CACNA1C: variants seen among roughly 807,000 people sequenced by gnomAD.
CACNA1C encodes calcium voltage-gated channel subunit alpha1 C.
In CACNA1C, 30 loss-of-function variants were observed where a neutral mutation model predicts 229.0. That is an observed-to-expected ratio of 0.13 (90% confidence interval 0.10 to 0.18). The LOEUF (loss-of-function observed/expected upper bound fraction) is 0.18. CACNA1C is among the 10% of genes least tolerant of loss of function. The probability of loss-of-function intolerance (pLI) is 1.00; values close to 1 mark genes in which losing one functional copy is unlikely to be tolerated. For synonymous variants in CACNA1C, 1,114 were observed against 1,132.5 expected (o/e 0.98, Z 0.33); for missense variants, 1,658 against 2,845.0 (o/e 0.58, Z 9.49).
rs191953785 is a variant in CACNA1C, at chr12:2,315,931, C to T, written c.478-133045C>T. ...TCACTGAAGCTTGGGAACATGTTCT[C>T]ATCGGGCAAGAGAACAACAACAGAA... On this transcript the variant is annotated intron_variant, in intron 3 of 46. Coordinates refer to ENST00000399655, the MANE Select transcript of CACNA1C (RefSeq NM_000719.7). Among the ~76,000 whole-genome samples the T allele has an allele frequency of 3.9e-3, 593 of 152,306 alleles. 5 individuals are homozygous for T. Among genetic ancestry groups the T allele is most frequent in the Non-Finnish European group, 6.1e-3 (415 of 68,018 alleles).
At chr12:2,600,717 C>G (rs2071597149) in intron 21 of CACNA1C, among the ~76,000 whole-genome samples, 1 of 152,228 alleles carries the variant, frequency 6.6e-6, no homozygotes, top group Admixed American at 6.5e-5. Context: ...TCATCGTCAT[C>G]TTGTGTGTTC....
intron 30 of CACNA1C, 129 bp from the exon 31 acceptor site, chr12:2,648,346 G>A (rs897090204): frequency 2.2e-5 from 19 of 863,524 alleles, no homozygotes; most frequent in Admixed American, 3.7e-5. Context: ...ACGCTTTCAC[G>A]TTTCTTTCAC....
chr12:2,206,347 G>C (rs1275742826), intron 3 of CACNA1C, among the ~76,000 whole-genome samples: 1 of 152,210 alleles, frequency 6.6e-6, no homozygotes, highest in Non-Finnish European at 1.5e-5. Flanking sequence ...TGGGAGAATG[G>C]CAGAGCATGG....
chr12:2,231,086 T>G (rs2064978644), intron 3 of CACNA1C, among the ~76,000 whole-genome samples: 3 of 152,228 alleles, frequency 2.0e-5, no homozygotes. Context: ...CTTAAGCCCC[T>G]TTCTTCCCAT....
Position 2,549,227 on chromosome 12 carries a change from G to T in CACNA1C, c.1391-716G>T, listed in dbSNP as rs186271072. ...AGCCTGTTGACATGGGAATGTCAGG[G>T]TGGCTGAAAGGGGAAATCGTATCCC... is the stretch of plus-strand genomic sequence containing the variant. On this transcript the variant is annotated intron_variant, in intron 9 of 46. Transcript: ENST00000399655. Among the ~76,000 whole-genome samples, 6 of 152,318 alleles carry T rather than the reference G, an allele frequency of 3.9e-5. No homozygotes were observed. The East Asian group carries it at 9.7e-4, about 25-fold the overall frequency.
At chr12:2,341,598 G>A (rs1193844773) in intron 3 of CACNA1C, among the ~76,000 whole-genome samples, 2 of 152,176 alleles carry the variant, frequency 1.3e-5, no homozygotes, top group African/African-American at 4.8e-5. Flanking sequence ...TTATCCACAT[G>A]CCTTAGCAGA....
chr12:2,588,043 A>C (rs1255375059), intron 18 of CACNA1C, among the ~76,000 whole-genome samples: 1 of 152,144 alleles, frequency 6.6e-6, no homozygotes, highest in Admixed American at 6.5e-5. Flanking sequence ...TGTGCTTCCC[A>C]GCTCTTCCTG....
At chr12:2,541,928 C>T (rs1416924457) in intron 9 of CACNA1C, among the ~76,000 whole-genome samples, 2 of 152,182 alleles carry the variant, frequency 1.3e-5, no homozygotes, top group East Asian at 1.9e-4. Context: ...TCAGTCATGA[C>T]GCATAAAAAG....
In CACNA1C at chr12:2,585,946, G is replaced by A. The variant is rs1027238902; in HGVS notation, c.2530+42G>A. 14 of 1,308,152 alleles carry A rather than the reference G, an allele frequency of 1.1e-5. No individual in the cohort carries two copies. The highest frequency in any genetic ancestry group is 7.4e-5 in the African/African-American group (5 of 67,270). 81.0% of individuals were successfully genotyped at this position (1,308,152 alleles called of 1,614,324 possible). ...CTAACCTGGGATTGGGAGATTGGGG[G>A]CAGAGATCTAAATTCTAAAGCCACG... On this transcript the variant is annotated intron_variant, in intron 18 of 46. Coordinates refer to ENST00000399655, the MANE Select transcript of CACNA1C (RefSeq NM_000719.7). The surrounding 1 kb of genome is among the most constrained non-coding windows in gnomAD (Gnocchi z 4.1).
chr12:2,537,508 C>G (rs2099858617), intron 9 of CACNA1C, among the ~76,000 whole-genome samples: 2 of 152,204 alleles, frequency 1.3e-5, no homozygotes, highest in Non-Finnish European at 2.9e-5. Context: ...ATTGCACACT[C>G]TGGGAGACAA....
intron 3 of CACNA1C, among the ~76,000 whole-genome samples, chr12:2,192,180 A>G (rs910526100): frequency 6.6e-6 from 1 of 152,190 alleles, no homozygotes; most frequent in Admixed American, 6.5e-5. Context: ...TGGAGCTGAC[A>G]TCACAGTAAT....
chr12:2,490,093 T>G (rs1481729384), intron 6 of CACNA1C, among the ~76,000 whole-genome samples: 2 of 152,278 alleles, frequency 1.3e-5, no homozygotes, highest in African/African-American at 4.8e-5. Flanking sequence ...CATCACTGCT[T>G]CTTAATTGTT....
chr12:2,474,409 A>T (rs1258594946), intron 5 of CACNA1C, among the ~76,000 whole-genome samples: 2 of 152,198 alleles, frequency 1.3e-5, no homozygotes, highest in African/African-American at 4.8e-5. Flanking sequence ...TCTGGGAGTG[A>T]GTGTGGCAGG....
chr12:2,434,878 A>G (rs1041339180), intron 3 of CACNA1C, among the ~76,000 whole-genome samples: 8 of 152,018 alleles, frequency 5.3e-5, no homozygotes, highest in Admixed American at 3.3e-4. Flanking sequence ...AGGTCTCCCC[A>G]CTTCAGTCTA....
chr12:2,530,337 C>G lies in CACNA1C; in HGVS notation c.1390+17353C>G, dbSNP rs142192130. The stretch of plus-strand genomic sequence containing the variant: ...TGTCATTAGACTAACCCAATTGTTG[C>G]ATATTGATAAATATGTTTAGGCCAA... On this transcript the variant is annotated intron_variant, in intron 9 of 46. Coordinates refer to ENST00000399655, the MANE Select transcript of CACNA1C (RefSeq NM_000719.7). Among the ~76,000 whole-genome samples, 12 of 152,302 alleles carry G rather than the reference C, an allele frequency of 7.9e-5. No homozygotes were observed. The East Asian group carries it at 2.3e-3, about 29-fold the overall frequency.
rs530826777 is a variant in CACNA1C, at chr12:2,416,903, C to G, written c.478-32073C>G. Among the ~76,000 whole-genome samples the G allele has an allele frequency of 5.5e-4, 84 of 152,370 alleles. 2 individuals are homozygous for G. Among genetic ancestry groups the G allele is most frequent in the African/African-American group, 2.0e-3 (82 of 41,594 alleles). The stretch of plus-strand genomic sequence containing the variant: ...CAAGAAGCAGAGGCCGGATTCGAAC[C>G]CAGCTCTTCTAGCTCCACATCCGGA... On this transcript the variant is annotated intron_variant, in intron 3 of 46. Transcript: ENST00000399655.
At chr12:2,250,761 C>A (rs971040560) in intron 3 of CACNA1C, among the ~76,000 whole-genome samples, 2 of 152,200 alleles carry the variant, frequency 1.3e-5, no homozygotes, top group East Asian at 1.9e-4. Context: ...TCCAATAATT[C>A]TTTTTTGTCT....
At chr12:2,625,256 A>C (rs1195826143) in intron 29 of CACNA1C, among the ~76,000 whole-genome samples, 2 of 152,244 alleles carry the variant, frequency 1.3e-5, no homozygotes, top group East Asian at 3.8e-4. Context: ...GGCTAGTATT[A>C]GCTATTACAT....
At chr12:2,242,068 C>T (rs1206175789) in intron 3 of CACNA1C, among the ~76,000 whole-genome samples, 1 of 152,154 alleles carries the variant, frequency 6.6e-6, no homozygotes, top group Non-Finnish European at 1.5e-5. Context: ...TCCTTGTGCC[C>T]TCTGCATAGC....
Sources: gnomAD v4.1 joint callset for allele counts (sites outside exome capture counted in the v4.1 genomes callset) on GRCh38, gnomAD v4.1.1 for gene constraint, Gnocchi (gnomAD v3.1) non-coding constraint, MANE v1.5 for transcripts, NCBI Gene and HGNC (gene_info 2026-07-23, HGNC 2026-07-21) for gene names.